Variants in PAWR observed in about 807,000 individuals in gnomAD.
The protein encoded by PAWR is PRKC apoptosis WT1 regulator protein.
In PAWR, 23 loss-of-function variants were observed where a neutral mutation model predicts 32.0. That is an observed-to-expected ratio of 0.72 (90% CI 0.52 to 1.02). PAWR has a LOEUF of 1.02. Among genes scored for constraint, PAWR ranks in the 50% least tolerant of loss-of-function variants. The pLI is 0.00. For synonymous variants in PAWR, 226 were observed against 187.1 expected (o/e 1.21, Z -1.70); for missense variants, 457 against 437.7 (o/e 1.04, Z -0.39).
At chr12:79,689,467 T>A (rs1352280095) in intron 2 of PAWR, among the ~76,000 whole-genome samples, 3 of 152,190 alleles carry the variant, frequency 2.0e-5, no homozygotes, top group Non-Finnish European at 4.4e-5. Flanking sequence ...GTTGTCTTTC[T>A]ACCACGGTAA....
At chr12:79,606,333 A>T (rs1046690818) in intron 4 of PAWR, among the ~76,000 whole-genome samples, 7 of 152,168 alleles carry the variant, frequency 4.6e-5, no homozygotes, top group Non-Finnish European at 1.0e-4. Context: ...TAAAAGAGTG[A>T]ATTTTTATGG....
chr12:79,638,790 G>T (rs1437424691), intron 2 of PAWR, among the ~76,000 whole-genome samples: 2 of 105,270 alleles, frequency 1.9e-5, no homozygotes, highest in African/African-American at 3.8e-5. Flanking sequence ...TTATATTTGG[G>T]GTGTGTGTGT....
chr12:79,612,302 C>G lies in PAWR; in HGVS notation c.683+1273G>C, dbSNP rs186837454. Among the ~76,000 whole-genome samples the G allele has an allele frequency of 9.9e-5, 15 of 152,210 alleles. No homozygotes were observed. In the East Asian group the frequency reaches 1.2e-3, roughly 12 times the overall value. On this transcript the variant is annotated intron_variant, in intron 4 of 6. Transcript: ENST00000328827. ...AACTACTTCAGACTTAACTACTCTT[C>G]TGATTATCTTGGCCTTCTCATCTCT...
intron 2 of PAWR, among the ~76,000 whole-genome samples, chr12:79,633,486 G>C (rs1334978715): frequency 6.6e-6 from 1 of 152,138 alleles, no homozygotes; most frequent in Non-Finnish European, 1.5e-5. Context: ...TTGTTGGTGA[G>C]GATTTAGCAG....
At chr12:79,617,788 C>T (rs1021720364) in intron 3 of PAWR, among the ~76,000 whole-genome samples, 3 of 152,100 alleles carry the variant, frequency 2.0e-5, no homozygotes, top group Non-Finnish European at 2.9e-5. Flanking sequence ...GTGTTGAAGG[C>T]GGGGCCTGTT....
At chr12:79,663,958 T>G (rs1877472954) in intron 2 of PAWR, among the ~76,000 whole-genome samples, 1 of 152,186 alleles carries the variant, frequency 6.6e-6, no homozygotes, top group African/African-American at 2.4e-5. Context: ...CTACAAAGTA[T>G]ATGCCAAATA....
Position 79,688,708 on chromosome 12 carries a change from T to A in PAWR, c.516+1021A>T, listed in dbSNP as rs115334225. Among the ~76,000 whole-genome samples the A allele has an allele frequency of 6.5e-3, 992 of 152,272 alleles. 11 individuals carry two copies. The highest frequency in any genetic ancestry group is 0.02 in the African/African-American group (812 of 41,546). ...AGGTATATTTAATATACACCCTAAC[T>A]TATTGCAAATGCTTCTACTTAAACC... On this transcript the variant is annotated intron_variant, in intron 2 of 6. Coordinates refer to ENST00000328827, the MANE Select transcript of PAWR (RefSeq NM_002583.4).
At chr12:79,684,425 A>G (rs2136890306) in intron 2 of PAWR, among the ~76,000 whole-genome samples, 1 of 152,270 alleles carries the variant, frequency 6.6e-6, no homozygotes, top group East Asian at 1.9e-4. Context: ...AGCCTGGCCA[A>G]CATGGCGAAA....
At chr12:79,663,906 C>T (rs1877470032) in intron 2 of PAWR, among the ~76,000 whole-genome samples, 1 of 152,178 alleles carries the variant, frequency 6.6e-6, no homozygotes, top group Non-Finnish European at 1.5e-5. Context: ...TAAGATTAAT[C>T]AGGCTATGTG....
intron 2 of PAWR, among the ~76,000 whole-genome samples, chr12:79,643,085 A>G (rs975152664): frequency 5.3e-5 from 8 of 152,188 alleles, no homozygotes; most frequent in African/African-American, 1.9e-4. Flanking sequence ...TCTTGCTTTC[A>G]GGCAATTTTT....
At chr12:79,660,259 T>G (rs1016925975) in intron 2 of PAWR, among the ~76,000 whole-genome samples, 1 of 152,148 alleles carries the variant, frequency 6.6e-6, no homozygotes, top group Admixed American at 6.5e-5. Flanking sequence ...ATAAAATCCT[T>G]TTTCCTAGGG....
At position 79,690,142 on chromosome 12, in the gene PAWR, T is replaced by G; in HGVS notation, c.103A>C (p.Asn35His). Reference protein sequence around the residue: ...AKREKMRAKQNPPGPAPPGGG... With the variant: ...AKREKMRAKQHPPGPAPPGGG... ...CCCGGGGGGGCCGGGCCCGGGGGGT[T>G]CTGCTTGGCGCGCATCTTCTCGCGT... Residue 35 changes from asparagine to histidine, a missense_variant, in exon 2 of 7, where the codon AAC (asparagine) becomes CAC (histidine). By Grantham distance (68) the Asn-to-His change is moderately conservative. Transcript: ENST00000328827. 4 of 1,521,598 alleles carry G rather than the reference T, an allele frequency of 2.6e-6. No homozygotes were observed. Among genetic ancestry groups the G allele is most frequent in the African/African-American group, 1.4e-5 (1 of 70,162 alleles). The allele number at this position is 1,521,598 out of a possible 1,614,324, so 94.3% of individuals were successfully genotyped here.
chr12:79,619,645 T>C (rs1296864455), intron 3 of PAWR, among the ~76,000 whole-genome samples: 1 of 152,138 alleles, frequency 6.6e-6, no homozygotes, highest in Non-Finnish European at 1.5e-5. Context: ...AAACGGCTTG[T>C]AAAAAGTACA....
intron 4 of PAWR, among the ~76,000 whole-genome samples, chr12:79,605,519 CT>C (rs1341116639): frequency 2.4e-4 from 36 of 150,332 alleles, no homozygotes; most frequent in Admixed American, 5.3e-4. Flanking sequence ...CAGATACATT[CT>C]TTTTTTTTTA....
chr12:79,618,515 T>C (rs1874852810), intron 3 of PAWR, among the ~76,000 whole-genome samples: 1 of 152,206 alleles, frequency 6.6e-6, no homozygotes, highest in Non-Finnish European at 1.5e-5. Context: ...CACCTTACTG[T>C]GCAATAAAAC....
chr12:79,624,952 T>C (rs1193083401), intron 2 of PAWR, among the ~76,000 whole-genome samples: 1 of 152,200 alleles, frequency 6.6e-6, no homozygotes, highest in Non-Finnish European at 1.5e-5. Flanking sequence ...TTAGGATTGC[T>C]GGCTCACAAG....
intron 2 of PAWR, among the ~76,000 whole-genome samples, chr12:79,665,054 C>T (rs1329435290): frequency 6.6e-6 from 1 of 151,700 alleles, no homozygotes; most frequent in Non-Finnish European, 1.5e-5. Context: ...TATGTACCTC[C>T]AATAATATGA....
intron 4 of PAWR, among the ~76,000 whole-genome samples, chr12:79,607,743 AAATAAT>A (rs1555234264): frequency 1.6e-4 from 21 of 127,846 alleles, no homozygotes; most frequent in South Asian, 6.6e-4. Flanking sequence ...AAAAAAAAAA[AAATAAT>A]AATAATAATA....
rs141529068 is a variant in PAWR, at chr12:79,642,743, A to G, written c.517-21536T>C. Among the ~76,000 whole-genome samples the G allele has an allele frequency of 4.1e-3, 626 of 152,280 alleles. 12 individuals are homozygous for G. Among genetic ancestry groups the G allele is most frequent in the African/African-American group, 0.014 (594 of 41,544 alleles). On this transcript the variant is annotated intron_variant, in intron 2 of 6. Coordinates refer to ENST00000328827, the MANE Select transcript of PAWR (RefSeq NM_002583.4). The stretch of plus-strand genomic sequence containing the variant: ...TCATATTGGGGGCTAGGGTTTCAAC[A>G]TATGAATTTGAGAGAGACAAAACTT...
Sources: allele counts gnomAD v4.1 joint callset (sites outside exome capture counted in the v4.1 genomes callset), GRCh38; gene constraint gnomAD v4.1.1; transcripts MANE v1.5; gene names NCBI Gene and HGNC (gene_info 2026-07-23, HGNC 2026-07-21).